RGS7: variants seen among roughly 807,000 people sequenced by gnomAD.
The protein encoded by RGS7 is regulator of G-protein signaling 7.
In RGS7, 27 loss-of-function variants were observed where a neutral mutation model predicts 81.1. That is an observed-to-expected ratio of 0.33 (90% confidence interval 0.25 to 0.46). The LOEUF is 0.46. RGS7 is among the 20% of genes least tolerant of loss of function. The probability of loss-of-function intolerance (pLI) is 1.00; values close to 1 mark genes in which losing one functional copy is unlikely to be tolerated. For synonymous variants in RGS7, 208 were observed against 207.7 expected (o/e 1.00, Z -0.01); for missense variants, 396 against 607.4 (o/e 0.65, Z 3.66).
At chr1:241,085,095 T>C (rs942970547) in intron 3 of RGS7, among the ~76,000 whole-genome samples, 1 of 152,248 alleles carries the variant, frequency 6.6e-6, no homozygotes, top group Non-Finnish European at 1.5e-5. Context: ...TTACAAGGAA[T>C]TGAGAAGGGA....
At chr1:240,909,654 G>T (rs1021607822) in intron 6 of RGS7, among the ~76,000 whole-genome samples, 1 of 152,238 alleles carries the variant, frequency 6.6e-6, no homozygotes, top group Non-Finnish European at 1.5e-5. Flanking sequence ...GACTACGACA[G>T]AAGTAGTAGG....
At chr1:241,236,905 C>A (rs1266261684) in intron 2 of RGS7, among the ~76,000 whole-genome samples, 1 of 152,122 alleles carries the variant, frequency 6.6e-6, no homozygotes, top group Admixed American at 6.5e-5. Flanking sequence ...GTTAATATTA[C>A]AAAGTAAAGC....
chr1:240,998,666 C>T, intron 3 of RGS7: 3 of 1,148,436 alleles, frequency 2.6e-6, no homozygotes. Flanking sequence ...ACAAGCCAGG[C>T]CAAAAGGGTT....
At chr1:241,000,061 G>A (rs1687902816) in intron 3 of RGS7, among the ~76,000 whole-genome samples, 1 of 152,296 alleles carries the variant, frequency 6.6e-6, no homozygotes, top group East Asian at 1.9e-4. Context: ...CAGTGAGGGT[G>A]GCCTGGTCAC....
In RGS7 at chr1:241,162,450, A is replaced by T. The variant is rs529557861; in HGVS notation, c.79-63688T>A. Among the ~76,000 whole-genome samples, 24 of 152,364 alleles carry T rather than the reference A, an allele frequency of 1.6e-4. No individual in the cohort carries two copies. The South Asian group carries it at 2.3e-3, about 14-fold the overall frequency. Reference sequence around the variant, plus strand: ...TGCGGACAGCCCGCTCCGAAGGAAGAATCAGGGGAGAAGAAATGCAAGCCC... The same window carrying T: ...TGCGGACAGCCCGCTCCGAAGGAAGTATCAGGGGAGAAGAAATGCAAGCCC... On this transcript the variant is annotated intron_variant, in intron 2 of 18. Transcript: ENST00000440928.
chr1:241,276,368 C>A (rs1388403602), intron 2 of RGS7, among the ~76,000 whole-genome samples: 1 of 152,140 alleles, frequency 6.6e-6, no homozygotes, highest in East Asian at 1.9e-4. Context: ...CTCGATAAAG[C>A]CTGAGAGGTT....
chr1:241,267,872 T>C (rs1459171989), intron 2 of RGS7, among the ~76,000 whole-genome samples: 3 of 152,250 alleles, frequency 2.0e-5, no homozygotes, highest in African/African-American at 4.8e-5. Context: ...TTTTTTTCTA[T>C]ACTTTTTAAT....
chr1:241,026,544 G>A lies in RGS7; in HGVS notation c.176-43415C>T, dbSNP rs542970616. 3.3e-5 allele frequency among the ~76,000 whole-genome samples: 5 copies of A among 151,872 alleles called. No individual in the cohort carries two copies. In the East Asian group the frequency reaches 5.8e-4, roughly 18 times the overall value. ...GCGGACGTTGCAGTGAGCCGAGATC[G>A]CGCCACTGCACTCCAGTCTGTGTGA... On this transcript the variant is annotated intron_variant, in intron 3 of 18. Coordinates refer to ENST00000440928, the MANE Select transcript of RGS7 (RefSeq NM_001364886.1).
chr1:241,158,158 C>T (rs1159198606), intron 2 of RGS7, among the ~76,000 whole-genome samples: 1 of 152,230 alleles, frequency 6.6e-6, no homozygotes, highest in East Asian at 1.9e-4. Flanking sequence ...CATGCTAATT[C>T]ATTTACATAT....
intron 2 of RGS7, among the ~76,000 whole-genome samples, chr1:241,200,549 C>T (rs961002827): frequency 2.0e-5 from 3 of 152,134 alleles, no homozygotes; most frequent in African/African-American, 7.2e-5. Context: ...TAGCTCCTTC[C>T]CTACATCCTT....
chr1:241,113,494 G>A (rs1446672670), intron 2 of RGS7, among the ~76,000 whole-genome samples: 2 of 152,080 alleles, frequency 1.3e-5, no homozygotes, highest in Non-Finnish European at 2.9e-5. Context: ...CTGGAATAAT[G>A]AAAAACAATA....
chr1:241,339,124 T>G (rs2082396312), intron 2 of RGS7, among the ~76,000 whole-genome samples: 1 of 152,182 alleles, frequency 6.6e-6, no homozygotes, highest in African/African-American at 2.4e-5. Flanking sequence ...CACTTATAAG[T>G]GAGAACATGC....
At chr1:241,270,637 G>A (rs1208706801) in intron 2 of RGS7, among the ~76,000 whole-genome samples, 1 of 152,098 alleles carries the variant, frequency 6.6e-6, no homozygotes, top group African/African-American at 2.4e-5. Flanking sequence ...AGCACCAACT[G>A]GAGCTCTAGT....
intron 2 of RGS7, among the ~76,000 whole-genome samples, chr1:241,162,012 C>T (rs546299239): frequency 6.6e-6 from 1 of 152,158 alleles, no homozygotes; most frequent in African/African-American, 2.4e-5. Context: ...CCACCGTGCC[C>T]GGCCAACTGT....
intron 2 of RGS7, among the ~76,000 whole-genome samples, chr1:241,182,491 T>C (rs115692132): frequency 3.0e-3 from 458 of 152,272 alleles, no homozygotes; most frequent in African/African-American, 9.3e-3. Flanking sequence ...TTCTAAATGA[T>C]AATTCACACG....
chr1:241,089,063 C>CTATATATCTATATATA (rs2063694641), intron 3 of RGS7, among the ~76,000 whole-genome samples: 1 of 23,704 alleles, frequency 4.2e-5, no homozygotes, highest in African/African-American at 2.3e-4. Context: ...CTCTCTCTCT[C>CTATATATCTATATATA]TATATATATA....
intron 2 of RGS7, among the ~76,000 whole-genome samples, chr1:241,141,574 G>A (rs2067925223): frequency 1.3e-5 from 2 of 152,162 alleles, no homozygotes; most frequent in South Asian, 4.1e-4. Flanking sequence ...GCAGGACGGA[G>A]TGAGTGTCAA....
At chr1:241,275,353 TAG>T (rs1386396050) in intron 2 of RGS7, among the ~76,000 whole-genome samples, 1 of 152,216 alleles carries the variant, frequency 6.6e-6, no homozygotes, top group East Asian at 1.9e-4. Context: ...AGGTAATATT[TAG>T]TAGGAACAGT....
At chr1:241,078,074 A>C (rs1440154856) in intron 3 of RGS7, among the ~76,000 whole-genome samples, 1 of 149,822 alleles carries the variant, frequency 6.7e-6, no homozygotes, top group African/African-American at 2.4e-5. Flanking sequence ...ATTTAATTAC[A>C]TATAATATAT....
Sources: allele counts gnomAD v4.1 joint callset (sites outside exome capture counted in the v4.1 genomes callset), GRCh38; gene constraint gnomAD v4.1.1; transcripts MANE v1.5; gene names NCBI Gene and HGNC (gene_info 2026-07-23, HGNC 2026-07-21).